Variants in DMBT1 observed in about 807,000 individuals in gnomAD.
DMBT1 encodes the protein scavenger receptor cysteine-rich domain-containing protein DMBT1.
Under a neutral mutation model 252.9 loss-of-function variants are expected in DMBT1, and 198 were observed. The observed-to-expected ratio is 0.78, with a 90% CI of 0.70 to 0.88. DMBT1 has a LOEUF of 0.88. DMBT1 is among the 40% of genes least tolerant of loss of function. DMBT1 has a pLI of 0.00. For missense variants in DMBT1, 2,432 were observed against 2,404.7 expected, an observed-to-expected ratio of 1.01 and a Z score of -0.24; for synonymous variants, 990 against 942.7, an observed-to-expected ratio of 1.05 and a Z score of -0.92.
At chr10:122,578,612 G>A (rs1016619904) in intron 8 of DMBT1, 106 bp from the exon 9 acceptor site, 8 of 982,790 alleles carry the variant, frequency 8.1e-6, no homozygotes, top group African/African-American at 3.2e-5. Context: ...CCAGACCTTC[G>A]AGTGGAATTG....
rs370908594 is a variant in DMBT1, at chr10:122,633,255, C to T, written c.6462C>T (p.Pro2154=). 2.0e-4 allele frequency: 327 copies of T among 1,613,980 alleles called. 1 individual carries two copies. The highest frequency in any genetic ancestry group is 1.9e-3 in the African/African-American group (143 of 75,038). Residue 2154 remains proline, a synonymous_variant, in exon 52 of 56, where the codon CCC becomes CCT. Transcript: ENST00000338354. ...PSGDFSSPFY[P]GNYPNNAKCV... The stretch of plus-strand genomic sequence containing the variant: ...GGGACTTTTCCAGCCCATTCTATCC[C>T]GGGAACTATCCAAACAATGCCAAGT...
chr10:122,632,769 G>C, intron 50 of DMBT1, 92 bp from the exon 51 acceptor site: 1 of 1,539,504 alleles, frequency 6.5e-7, no homozygotes, highest in Non-Finnish European at 8.9e-7. Flanking sequence ...GTGGACTCAG[G>C]CTTGGCACAG....
chr10:122,579,570 C>T lies in DMBT1; in HGVS notation c.680-8C>T, dbSNP rs1423720921. On this transcript the variant is annotated splice_region_variant and splice_polypyrimidine_tract_variant and intron_variant, in intron 9 of 55. Coordinates refer to ENST00000338354, the MANE Select transcript of DMBT1 (RefSeq NM_001377530.1). ...GGATGGATGAAGGGTTCTTGTGTTC[C>T]CCTGTAGGATCTGAATCCAGTTTGG... The T allele has an allele frequency of 6.2e-7, 1 of 1,612,146 alleles. No individual in the cohort carries two copies.
intron 40 of DMBT1, 65 bp from the exon 41 acceptor site, chr10:122,617,952 G>T (rs1292245359): frequency 1.9e-6 from 3 of 1,600,120 alleles, no homozygotes; most frequent in South Asian, 1.1e-5. Context: ...CCTGAGTGTG[G>T]AACTTGCCTT....
At chr10:122,599,345 C>G (rs989240093) in intron 26 of DMBT1, among the ~76,000 whole-genome samples, 1 of 152,102 alleles carries the variant, frequency 6.6e-6, no homozygotes, top group African/African-American at 2.4e-5. Context: ...AAGGAAGAGG[C>G]AGAAGAGAAA....
At chr10:122,637,409 A>G in intron 54 of DMBT1, 97 bp downstream of exon 54, 1 of 1,328,976 alleles carries the variant, frequency 7.5e-7, no homozygotes. Context: ...AGAAATTATG[A>G]TTTTGGGATA....
Position 122,578,716 on chromosome 10 carries a change from A to G in DMBT1, c.638-2A>G. ...ATCCTTTCTCTTTGTTGCTGTTTACAGAAAGTTGGCCTGTCAGGATATCAC... is the reference window on the plus strand; with the variant it reads ...ATCCTTTCTCTTTGTTGCTGTTTACGGAAAGTTGGCCTGTCAGGATATCAC... On this transcript the variant is annotated splice_acceptor_variant, in intron 8 of 55. Coordinates refer to ENST00000338354, the MANE Select transcript of DMBT1 (RefSeq NM_001377530.1). LOFTEE classifies it high-confidence loss of function. 6.2e-7 allele frequency: 1 copy of G among 1,608,088 alleles called. No homozygotes were observed. Among genetic ancestry groups the G allele is most frequent in the South Asian group, 1.1e-5 (1 of 89,540 alleles).
At position 122,580,908 on chromosome 10, in the gene DMBT1, T is replaced by C; in HGVS notation, c.1033+13T>C. On this transcript the variant is annotated intron_variant, in intron 11 of 55. Transcript: ENST00000338354. ...ACACCCAGCCCAGGTAGGTCCCCAG[T>C]GTCCTTCCTCAAAATGTCCCTTCTC... 5 of 1,613,758 alleles carry C rather than the reference T, an allele frequency of 3.1e-6. No individual in the cohort carries two copies. Among genetic ancestry groups the C allele is most frequent in the South Asian group, 1.1e-5 (1 of 90,988 alleles).
intron 6 of DMBT1, among the ~76,000 whole-genome samples, 184 bp from the exon 7 acceptor site, chr10:122,576,215 G>C (rs1350787212): frequency 6.6e-6 from 1 of 152,182 alleles, no homozygotes; most frequent in Non-Finnish European, 1.5e-5. Context: ...GCTTGGGTTT[G>C]GGCCAAGCAG....
intron 1 of DMBT1, among the ~76,000 whole-genome samples, chr10:122,561,365 C>CTTGGAATTCCAAGTTTG (rs1565496797): frequency 1.3e-5 from 2 of 151,936 alleles, no homozygotes; most frequent in Non-Finnish European, 2.9e-5. Flanking sequence ...TTCCAAGTTT[C>CTTGGAATTCCAAGTTTG]TCTGTCATGC....
chr10:122,563,775 A>T (rs2097567805), intron 1 of DMBT1, among the ~76,000 whole-genome samples: 2 of 152,076 alleles, frequency 1.3e-5, no homozygotes, highest in South Asian at 4.1e-4. Flanking sequence ...ACCAGGAACA[A>T]CTTCAATGTG....
At chr10:122,575,343 T>C (rs1173079532) in intron 6 of DMBT1, among the ~76,000 whole-genome samples, 1 of 152,160 alleles carries the variant, frequency 6.6e-6, no homozygotes, top group Non-Finnish European at 1.5e-5. Context: ...AAATATTTCC[T>C]CCCCAAGCAG....
intron 8 of DMBT1, among the ~76,000 whole-genome samples, chr10:122,578,150 C>T (rs1397425962): frequency 6.6e-6 from 1 of 152,182 alleles, no homozygotes; most frequent in Non-Finnish European, 1.5e-5. Flanking sequence ...GCTGACACAA[C>T]CTTTCTGAGA....
chr10:122,585,296 T>A lies in DMBT1; in HGVS notation c.1446T>A (p.Pro482=), dbSNP rs377086221. The A allele has an allele frequency of 6.9e-6, 11 of 1,586,642 alleles. No individual in the cohort carries two copies. The African/African-American group carries it at 1.3e-4, about 19-fold the overall frequency. Residue 482 remains proline (P), a synonymous_variant, in exon 15 of 56, where the codon CCT becomes CCA. Transcript: ENST00000338354. ...ACACGTTGCCGACCATCACCTTACC[T>A]GCATCGACAGTAGGTAAATAATCCT... ...SPDTLPTITL[P]ASTVGSESSL...
At chr10:122,570,688 C>T (rs1315939700) in intron 3 of DMBT1, among the ~76,000 whole-genome samples, 1 of 152,128 alleles carries the variant, frequency 6.6e-6, no homozygotes, top group Non-Finnish European at 1.5e-5. Flanking sequence ...GTAAGTAGAG[C>T]AAAGGATGCT....
Position 122,600,101 on chromosome 10 carries a change from C to G in DMBT1, c.3310+8C>G, listed in dbSNP as rs780635388. ...GGCCAACACCTAGTCCAGGTGGGTC[C>G]CCAGTGTCCTTCCTCAAAATGTCCC... is the stretch of plus-strand genomic sequence containing the variant. On this transcript the variant is annotated splice_region_variant and intron_variant, in intron 27 of 55. Transcript: ENST00000338354. The G allele has an allele frequency of 3.1e-6, 5 of 1,605,806 alleles. No individual in the cohort carries two copies. The highest frequency in any genetic ancestry group is 3.4e-6 in the Non-Finnish European group (4 of 1,177,770).
At chr10:122,591,613 T>C (rs1238121725) in intron 19 of DMBT1, 96 bp downstream of exon 19, 3 of 1,342,498 alleles carry the variant, frequency 2.2e-6, no homozygotes, top group African/African-American at 2.8e-5. Context: ...GGTGGGCCCC[T>C]GTCTTTTTCA....
At chr10:122,593,621 C>T (rs775212807) in intron 21 of DMBT1, 23 bp downstream of exon 21, 2 of 1,583,964 alleles carry the variant, frequency 1.3e-6, no homozygotes. Context: ...TGTCCTTCCT[C>T]AAAATGTCCC....
Position 122,620,093 on chromosome 10 carries a change from G to C in DMBT1, c.5246-160G>C, listed in dbSNP as rs552628528. Among the ~76,000 whole-genome samples the C allele has an allele frequency of 4.4e-4, 67 of 152,316 alleles. 1 individual carries two copies. In the South Asian group the frequency reaches 0.014, roughly 31 times the overall value. Reference sequence around the variant, plus strand: ...GTCTCCAGCAAGGCCTTTGTTCCTGGCTGTGCTCACTGAGCTGAAGACTTG... The same window carrying C: ...GTCTCCAGCAAGGCCTTTGTTCCTGCCTGTGCTCACTGAGCTGAAGACTTG... On this transcript the variant is annotated intron_variant, in intron 42 of 55. Transcript: ENST00000338354.
Sources: gnomAD v4.1 joint callset for allele counts (sites outside exome capture counted in the v4.1 genomes callset) on GRCh38, gnomAD v4.1.1 for gene constraint, MANE v1.5 for transcripts, NCBI Gene and HGNC (gene_info 2026-07-23, HGNC 2026-07-21) for gene names.